UGT1A10: variants seen among roughly 807,000 people sequenced by gnomAD.
The protein encoded by UGT1A10 is UDP-glucuronosyltransferase 1A10.
A neutral mutation model predicts 45.8 loss-of-function variants in UGT1A10; 49 were observed. The observed-to-expected ratio is 1.07, with a 90% confidence interval of 0.85 to 1.36. The LOEUF is 1.36. Ranked by LOEUF, UGT1A10 falls within the 40% of genes most tolerant of loss-of-function variation. The pLI is 0.00. For synonymous variants in UGT1A10, 284 were observed against 249.7 expected (o/e 1.14, Z -1.29); for missense variants, 745 against 668.6 (o/e 1.11, Z -1.26).
At chr2:233,654,867 G>A (rs1167779816) in intron 1 of UGT1A10, among the ~76,000 whole-genome samples, 1 of 152,124 alleles carries the variant, frequency 6.6e-6, no homozygotes, top group Non-Finnish European at 1.5e-5. Context: ...TGAGGTGGGC[G>A]GATCACCTGA....
At chr2:233,721,843 C>A (rs2076975309) in intron 1 of UGT1A10, 2 of 515,272 alleles carry the variant, frequency 3.9e-6, no homozygotes, top group Non-Finnish European at 3.9e-6. Context: ...ACCTTGTGTC[C>A]AGCCCCACTG....
intron 1 of UGT1A10, chr2:233,693,859 G>A: frequency 6.2e-7 from 1 of 1,614,192 alleles, no homozygotes; most frequent in Non-Finnish European, 8.5e-7. Flanking sequence ...GGAAAGACTT[G>A]TCTCAGGTTG....
chr2:233,765,939 C>T (rs570894932), intron 1 of UGT1A10, among the ~76,000 whole-genome samples: 8 of 152,214 alleles, frequency 5.3e-5, no homozygotes, highest in African/African-American at 1.7e-4. Flanking sequence ...GGTTGTGGGG[C>T]TCTGACCTCA....
chr2:233,743,195 G>C, intron 1 of UGT1A10: 2 of 380,014 alleles, frequency 5.3e-6, no homozygotes, highest in South Asian at 3.9e-5. Flanking sequence ...GAATTACTTG[G>C]TGTCAATGCG....
intron 1 of UGT1A10, among the ~76,000 whole-genome samples, chr2:233,695,130 C>CTT (rs71398796): frequency 2.9e-5 from 4 of 138,836 alleles, no homozygotes; most frequent in Admixed American, 7.1e-5. Context: ...CTTTTCTTTT[C>CTT]TTTTTTTTTT....
chr2:233,719,837 G>A, intron 1 of UGT1A10: 1 of 1,534,622 alleles, frequency 6.5e-7, no homozygotes, highest in South Asian at 1.2e-5. Flanking sequence ...GGGGCCTAGT[G>A]TATTTCAAGT....
At chr2:233,704,946 G>C (rs141742828) in intron 1 of UGT1A10, among the ~76,000 whole-genome samples, 231 of 152,194 alleles carry the variant, frequency 1.5e-3, no homozygotes, top group African/African-American at 5.5e-3. Flanking sequence ...GACCAGCCTG[G>C]CCAACATGGT....
chr2:233,720,704 CTTTT>C (rs796417980), intron 1 of UGT1A10, among the ~76,000 whole-genome samples: 1 of 139,182 alleles, frequency 7.2e-6, no homozygotes. Context: ...GGGAGCCATC[CTTTT>C]TTTTTTTTTT....
chr2:233,637,617 A>T (rs1456450734), intron 1 of UGT1A10, among the ~76,000 whole-genome samples: 3 of 152,210 alleles, frequency 2.0e-5, no homozygotes, highest in Admixed American at 6.5e-5. Context: ...TACATTTTAA[A>T]ATACGATGTT....
intron 1 of UGT1A10, among the ~76,000 whole-genome samples, chr2:233,683,636 AT>A (rs1178695460): frequency 1.6e-4 from 25 of 152,252 alleles, no homozygotes; most frequent in African/African-American, 6.0e-4. Flanking sequence ...CATAAATAAA[AT>A]TTTGCACTTT....
chr2:233,667,039 C>G (rs1438691196), intron 1 of UGT1A10, among the ~76,000 whole-genome samples: 8 of 152,102 alleles, frequency 5.3e-5, no homozygotes, highest in African/African-American at 1.9e-4. Context: ...TTTCTTAATC[C>G]AGTCTATCAT....
In UGT1A10 at chr2:233,724,166, C is replaced by A. The variant is rs1252861815; in HGVS notation, c.856-42868C>A. 7.0e-5 allele frequency among the ~76,000 whole-genome samples: 8 copies of A among 114,362 alleles called. No individual in the cohort carries two copies. In the East Asian group the frequency reaches 1.8e-3, roughly 26 times the overall value. The allele number at this position is 114,362 out of a possible 152,430, so 75.0% of individuals were successfully genotyped here. On this transcript the variant is annotated intron_variant, in intron 1 of 4. Transcript: ENST00000344644. Reference sequence around the variant, plus strand: ...CGGCTGGCCGGGTGGGGGGGCTGACCCCCCCATCTCCCTCCCGGACGGGGT... The same window carrying A: ...CGGCTGGCCGGGTGGGGGGGCTGACACCCCCATCTCCCTCCCGGACGGGGT...
At chr2:233,731,452 C>A (rs2078164427) in intron 1 of UGT1A10, among the ~76,000 whole-genome samples, 1 of 152,066 alleles carries the variant, frequency 6.6e-6, no homozygotes. Context: ...CACCCCACAA[C>A]AGGCCCTGGC....
intron 1 of UGT1A10, among the ~76,000 whole-genome samples, chr2:233,737,453 A>G (rs1465600831): frequency 6.6e-6 from 1 of 152,182 alleles, no homozygotes; most frequent in Non-Finnish European, 1.5e-5. Context: ...TTTTCCAGGT[A>G]CAGTCTGTCA....
Position 233,737,292 on chromosome 2 carries a change from G to A in UGT1A10, c.856-29742G>A, listed in dbSNP as rs573133918. On this transcript the variant is annotated intron_variant, in intron 1 of 4. Transcript: ENST00000344644. ...ACACCCCTCACCCAGCCAGGCTGCC[G>A]CCTCACAGTTCAATCTCAGACTGCT... Among the ~76,000 whole-genome samples, 15 of 152,312 alleles carry A rather than the reference G, an allele frequency of 9.8e-5. No homozygotes were observed. The East Asian group carries it at 1.7e-3, about 18-fold the overall frequency.
At position 233,731,965 on chromosome 2, in the gene UGT1A10, A is replaced by T. The variant is rs1487707523; in HGVS notation, c.856-35069A>T. ...ACATCTGTTGTTTCCTGACTTTTTA[A>T]TGGTCACCATTCTAACTGGCGTGAG... On this transcript the variant is annotated intron_variant, in intron 1 of 4. Coordinates refer to ENST00000344644, the MANE Select transcript of UGT1A10 (RefSeq NM_019075.4). 2.6e-5 allele frequency among the ~76,000 whole-genome samples: 4 copies of T among 152,240 alleles called. No individual in the cohort carries two copies. The East Asian group carries it at 7.7e-4, about 29-fold the overall frequency.
intron 1 of UGT1A10, chr2:233,729,851 A>C: frequency 6.2e-7 from 1 of 1,613,640 alleles, no homozygotes; most frequent in African/African-American, 1.3e-5. Context: ...TTTCAGAGAG[A>C]GGTGTCAGTG....
intron 1 of UGT1A10, among the ~76,000 whole-genome samples, chr2:233,697,011 C>A (rs1017901649): frequency 6.6e-6 from 1 of 151,922 alleles, no homozygotes; most frequent in African/African-American, 2.4e-5. Flanking sequence ...CATCTATGTT[C>A]GTCAGAGATA....
intron 1 of UGT1A10, chr2:233,671,738 C>A: frequency 8.2e-7 from 1 of 1,225,364 alleles, no homozygotes; most frequent in Non-Finnish European, 1.1e-6. Context: ...GGAAAACATA[C>A]AAATAGATAT....
Sources: gnomAD v4.1 joint callset for allele counts (sites outside exome capture counted in the v4.1 genomes callset) on GRCh38, gnomAD v4.1.1 for gene constraint, MANE v1.5 for transcripts, NCBI Gene and HGNC (gene_info 2026-07-23, HGNC 2026-07-21) for gene names.